The following RFX3 variants were observed in gnomAD, a reference collection of about 807,000 sequenced individuals.
RFX3 encodes the protein regulatory factor X3, also known as transcription factor RFX3.
Under a neutral mutation model 98.6 loss-of-function variants are expected in RFX3, and 14 were observed. That is an observed-to-expected ratio of 0.14 (90% confidence interval 0.09 to 0.22). RFX3 has a LOEUF of 0.22. RFX3 is among the 10% of genes least tolerant of loss of function. The probability of loss-of-function intolerance (pLI) is 1.00; values close to 1 mark genes in which losing one functional copy is unlikely to be tolerated. For synonymous variants in RFX3, 383 were observed against 328.4 expected (o/e 1.17, Z -1.80); for missense variants, 639 against 926.9 (o/e 0.69, Z 4.03).
rs1367522381 is a variant in RFX3, at chr9:3,220,451, A to T, written c.*4591T>A. On this transcript the variant is annotated 3_prime_UTR_variant, in exon 17 of 17. Coordinates refer to ENST00000617270, the MANE Select transcript of RFX3 (RefSeq NM_001282116.2). ...GACATAGGTCTATCCAGGCCCATGT[A>T]TTTGTCCTCCTTTTCTAGAGACTAT... 6.6e-6 allele frequency: 1 copy of T among 151,994 alleles called. No homozygotes were observed. The highest frequency in any genetic ancestry group is 2.4e-5 in the African/African-American group (1 of 41,398). 9.4% of individuals were successfully genotyped at this position (151,994 alleles called of 1,614,324 possible).
intron 4 of RFX3, among the ~76,000 whole-genome samples, chr9:3,329,200 A>T (rs1164255823): frequency 6.6e-6 from 1 of 152,022 alleles, no homozygotes; most frequent in Non-Finnish European, 1.5e-5. Flanking sequence ...GAAGGTCAGG[A>T]GTTCGAGACC....
intron 7 of RFX3, among the ~76,000 whole-genome samples, chr9:3,287,375 A>G (rs1826758745): frequency 6.6e-6 from 1 of 151,906 alleles, no homozygotes; most frequent in Admixed American, 6.6e-5. Flanking sequence ...GCTGGTAAAG[A>G]GGAAAGGATT....
intron 1 of RFX3, among the ~76,000 whole-genome samples, chr9:3,518,694 C>G (rs1321060489): frequency 1.3e-5 from 2 of 152,066 alleles, no homozygotes; most frequent in Admixed American, 6.6e-5. Context: ...AATAATTAAG[C>G]AGCCAACTTG....
intron 2 of RFX3, among the ~76,000 whole-genome samples, chr9:3,348,073 T>C (rs1256598775): frequency 6.6e-6 from 1 of 152,328 alleles, no homozygotes; most frequent in South Asian, 2.1e-4. Context: ...TTTGGGTTGA[T>C]ATTTTCTTTC....
At chr9:3,369,995 A>AT (rs71324244) in intron 2 of RFX3, among the ~76,000 whole-genome samples, 2,563 of 132,570 alleles carry the variant, frequency 0.019, 45 homozygotes, top group East Asian at 0.063. Context: ...CGCCCGGCTA[A>AT]TTTTTTTTTT....
chr9:3,522,556 CGTGTGTGTGTGTGT>C (rs111656079), intron 1 of RFX3, among the ~76,000 whole-genome samples: 1 of 145,284 alleles, frequency 6.9e-6, no homozygotes, highest in Admixed American at 6.9e-5. Context: ...AGTGTGTGTG[CGTGTGTGTGTGTGT>C]GTGTGTGTGT....
At chr9:3,438,993 T>A (rs1845396579) in intron 1 of RFX3, among the ~76,000 whole-genome samples, 1 of 151,940 alleles carries the variant, frequency 6.6e-6, no homozygotes, top group Non-Finnish European at 1.5e-5. Flanking sequence ...ACAATTGAAC[T>A]GAATTAGAAA....
chr9:3,420,352 A>T (rs1029034761), intron 1 of RFX3, among the ~76,000 whole-genome samples: 10 of 152,232 alleles, frequency 6.6e-5, no homozygotes, highest in African/African-American at 2.4e-4. Flanking sequence ...CCAGAGCAAC[A>T]TAAGAAAGCT....
intron 1 of RFX3, among the ~76,000 whole-genome samples, chr9:3,484,974 C>A (rs1376302014): frequency 6.6e-6 from 1 of 151,362 alleles, no homozygotes; most frequent in African/African-American, 2.4e-5. Flanking sequence ...GATGACACAC[C>A]TCTAGTCCTA....
chr9:3,270,426 C>T lies in RFX3; in HGVS notation c.1302G>A (p.Gly434=), dbSNP rs747047000. ...ILKWMCNCDH[G]MYQALVEILI... is the part of the protein sequence containing the mutation. ...GAATCTCCACCAAAGCCTGGTACAT[C>T]CCATGGTCACAGTTACACATCCATT... The change falls in exon 11 of 17, where the codon GGG becomes GGA. Residue 434 remains glycine (G), a synonymous_variant. Coordinates refer to ENST00000617270, the MANE Select transcript of RFX3 (RefSeq NM_001282116.2). 1.2e-6 allele frequency: 2 copies of T among 1,613,832 alleles called. No homozygotes were observed. Among genetic ancestry groups the T allele is most frequent in the South Asian group, 1.1e-5 (1 of 91,074 alleles).
intron 1 of RFX3, among the ~76,000 whole-genome samples, chr9:3,412,870 C>A (rs572508495): frequency 3.1e-4 from 47 of 152,184 alleles, no homozygotes; most frequent in South Asian, 1.2e-3. Context: ...AATAAAGCTA[C>A]CACCAATGTT....
intron 1 of RFX3, among the ~76,000 whole-genome samples, chr9:3,477,790 C>T (rs1322047780): frequency 6.6e-6 from 1 of 152,100 alleles, no homozygotes; most frequent in Non-Finnish European, 1.5e-5. Context: ...TCCATGTTGG[C>T]ACAACATTTA....
At chr9:3,424,486 C>T (rs377309321) in intron 1 of RFX3, among the ~76,000 whole-genome samples, 27 of 150,102 alleles carry the variant, frequency 1.8e-4, no homozygotes, top group Middle Eastern at 3.4e-3. Flanking sequence ...CTCAGCCTCC[C>T]GAGTAGCTGG....
intron 3 of RFX3, among the ~76,000 whole-genome samples, chr9:3,334,009 T>A (rs999294539): frequency 1.3e-5 from 2 of 152,194 alleles, no homozygotes; most frequent in African/African-American, 4.8e-5. Context: ...AAGTTTGGAT[T>A]GGTTGAATTA....
At chr9:3,268,344 T>C (rs1020920092) in intron 11 of RFX3, among the ~76,000 whole-genome samples, 11 of 151,790 alleles carry the variant, frequency 7.2e-5, no homozygotes, top group South Asian at 2.1e-4. Flanking sequence ...CAGGGATTCA[T>C]GTATGTACAA....
intron 11 of RFX3, among the ~76,000 whole-genome samples, chr9:3,269,039 AAATCAG>A (rs1423077619): frequency 6.6e-6 from 1 of 152,020 alleles, no homozygotes; most frequent in Non-Finnish European, 1.5e-5. Flanking sequence ...TCTGGAACAT[AAATCAG>A]TAGAGAATTT....
intron 2 of RFX3, among the ~76,000 whole-genome samples, chr9:3,376,089 A>G (rs760123222): frequency 1.7e-4 from 26 of 152,342 alleles, no homozygotes; most frequent in Admixed American, 3.9e-4. Flanking sequence ...ATAAGAAGAT[A>G]GTATTATTAG....
chr9:3,489,130 T>G (rs1238275894), intron 1 of RFX3, among the ~76,000 whole-genome samples: 3 of 152,216 alleles, frequency 2.0e-5, no homozygotes, highest in Non-Finnish European at 2.9e-5. Context: ...ATAATACCAA[T>G]TTTAATAATA....
intron 4 of RFX3, among the ~76,000 whole-genome samples, chr9:3,319,970 A>G (rs896702159): frequency 1.3e-5 from 2 of 152,204 alleles, no homozygotes; most frequent in African/African-American, 4.8e-5. Flanking sequence ...ATTAAATGCC[A>G]GTTTTCACTG....
Sources: gnomAD v4.1 joint callset for allele counts (sites outside exome capture counted in the v4.1 genomes callset) on GRCh38, gnomAD v4.1.1 for gene constraint, MANE v1.5 for transcripts, NCBI Gene and HGNC (gene_info 2026-07-23, HGNC 2026-07-21) for gene names.